The following RGS20 variants were observed in gnomAD, a reference collection of about 807,000 sequenced individuals.
The protein encoded by RGS20 is regulator of G protein signaling 20.
Under a neutral mutation model 33.6 loss-of-function variants are expected in RGS20, and 30 were observed. That is an observed-to-expected ratio of 0.89 (90% CI 0.67 to 1.21). RGS20 has a LOEUF of 1.21. RGS20 is among the 50% of genes most tolerant of loss of function. The pLI, the probability that RGS20 is intolerant of heterozygous loss-of-function variation, is 0.00. For missense variants in RGS20, 472 were observed against 502.4 expected, an observed-to-expected ratio of 0.94 and a Z score of 0.58; for synonymous variants, 208 against 197.9, an observed-to-expected ratio of 1.05 and a Z score of -0.43.
chr8:53,932,011 A>G (rs1813984508), intron 2 of RGS20, among the ~76,000 whole-genome samples: 1 of 152,232 alleles, frequency 6.6e-6, no homozygotes, highest in Non-Finnish European at 1.5e-5. Context: ...TTCTTTGCTT[A>G]TGAAGCATAG....
chr8:53,885,443 C>T (rs981745735), intron 2 of RGS20, among the ~76,000 whole-genome samples: 2 of 152,250 alleles, frequency 1.3e-5, no homozygotes, highest in Admixed American at 1.3e-4. Flanking sequence ...GAAACCCCGT[C>T]TCTACTAAAA....
At chr8:53,921,877 T>C (rs115041058) in intron 2 of RGS20, among the ~76,000 whole-genome samples, 2,406 of 138,726 alleles carry the variant, frequency 0.017, 62 homozygotes, top group African/African-American at 0.063. Flanking sequence ...CTTTGTATTA[T>C]AATAATGATT....
intron 4 of RGS20, among the ~76,000 whole-genome samples, chr8:53,948,634 A>G (rs1814614288): frequency 7.5e-6 from 1 of 134,080 alleles, no homozygotes; most frequent in Non-Finnish European, 1.5e-5. Flanking sequence ...ACATATTTAC[A>G]TATGCTATAT....
intron 2 of RGS20, chr8:53,913,766 C>T (rs1370973467): frequency 6.6e-6 from 1 of 152,328 alleles, no homozygotes; most frequent in African/African-American, 2.4e-5. Flanking sequence ...TGGTTTTGAA[C>T]TTTTAGCCTC....
At chr8:53,922,853 G>T (rs957229990) in intron 2 of RGS20, among the ~76,000 whole-genome samples, 33 of 152,018 alleles carry the variant, frequency 2.2e-4, no homozygotes, top group Non-Finnish European at 4.4e-4. Context: ...TAGAGATGGG[G>T]TTTCACTATG....
intron 2 of RGS20, among the ~76,000 whole-genome samples, chr8:53,902,205 C>T (rs552583268): frequency 6.6e-6 from 1 of 152,078 alleles, no homozygotes; most frequent in Non-Finnish European, 1.5e-5. Flanking sequence ...TTTGTAGAGA[C>T]AGGGTTTTGC....
chr8:53,867,711 GTTTCTTTCCTTCTTTC>G (rs1208980475), intron 1 of RGS20, among the ~76,000 whole-genome samples: 10 of 122,446 alleles, frequency 8.2e-5, no homozygotes, highest in Admixed American at 2.5e-4. Context: ...TCCTTTCTTT[GTTTCTTTCCTTCTTTC>G]TTTCTTTCCT....
chr8:53,946,797 CCT>C (rs1814495120), intron 4 of RGS20, 49 bp downstream of exon 3: 2 of 1,457,342 alleles, frequency 1.4e-6, no homozygotes, highest in Non-Finnish European at 1.9e-6. Flanking sequence ...GAAATACTAA[CCT>C]CTTTCTTTTC....
chr8:53,906,491 A>C (rs1351795090), intron 2 of RGS20, among the ~76,000 whole-genome samples: 1 of 152,188 alleles, frequency 6.6e-6, no homozygotes, highest in African/African-American at 2.4e-5. Flanking sequence ...CCAAGGCAAA[A>C]TAGTATTAGA....
chr8:53,922,193 G>T (rs1813667318), intron 2 of RGS20, among the ~76,000 whole-genome samples: 1 of 151,998 alleles, frequency 6.6e-6, no homozygotes, highest in Admixed American at 6.6e-5. Context: ...CTGTTATTGG[G>T]TGTATATATA....
intron 2 of RGS20, 75 bp from the exon 1 acceptor site, chr8:53,880,797 T>G (rs1812342304): frequency 4.0e-6 from 5 of 1,256,492 alleles, no homozygotes; most frequent in Admixed American, 7.1e-5. Flanking sequence ...GGCGGTGGAG[T>G]GCGCCGCCGC....
At chr8:53,951,581 G>A (rs1814709653) in intron 4 of RGS20, among the ~76,000 whole-genome samples, 1 of 152,084 alleles carries the variant, frequency 6.6e-6, no homozygotes, top group Admixed American at 6.6e-5. Context: ...TTAAACATTT[G>A]AAAATATATA....
At chr8:53,942,040 G>A (rs139768158) in intron 3 of RGS20, among the ~76,000 whole-genome samples, 27 of 152,160 alleles carry the variant, frequency 1.8e-4, no homozygotes, top group African/African-American at 4.3e-4. Flanking sequence ...TTGGGAGGCC[G>A]AGGCCGGCAG....
chr8:53,914,557 A>G (rs78503091), intron 2 of RGS20, among the ~76,000 whole-genome samples: 2,528 of 152,304 alleles, frequency 0.017, 34 homozygotes, highest in Non-Finnish European at 0.026. Flanking sequence ...GCCAGACTGA[A>G]CTGAGTGTAA....
intron 2 of RGS20, among the ~76,000 whole-genome samples, chr8:53,881,390 G>A (rs1392990251): frequency 6.6e-6 from 1 of 152,142 alleles, no homozygotes; most frequent in Non-Finnish European, 1.5e-5. Context: ...TCTTGGTGGG[G>A]AACGCGGGAG....
chr8:53,928,345 C>T (rs921135683), intron 2 of RGS20, among the ~76,000 whole-genome samples: 2 of 152,124 alleles, frequency 1.3e-5, no homozygotes, highest in Non-Finnish European at 2.9e-5. Flanking sequence ...GAAAGCCATT[C>T]CCATTAATTT....
chr8:53,947,183 G>C (rs1814513209), intron 4 of RGS20, among the ~76,000 whole-genome samples: 2 of 143,974 alleles, frequency 1.4e-5, no homozygotes, highest in South Asian at 4.3e-4. Flanking sequence ...ATAAGATATA[G>C]CATATTTATA....
chr8:53,921,597 T>C (rs1332710318), intron 2 of RGS20, among the ~76,000 whole-genome samples: 3 of 152,058 alleles, frequency 2.0e-5, no homozygotes, highest in Non-Finnish European at 2.9e-5. Flanking sequence ...CTTTCCAGGA[T>C]TTTTTCCATT....
intron 2 of RGS20, among the ~76,000 whole-genome samples, chr8:53,908,432 G>C (rs550006230): frequency 5.3e-4 from 81 of 152,132 alleles, no homozygotes; most frequent in Non-Finnish European, 7.6e-4. Flanking sequence ...TTGAGCCCAG[G>C]AGTTTGAGAC....
Sources: gnomAD v4.1 joint callset for allele counts (sites outside exome capture counted in the v4.1 genomes callset) on GRCh38, gnomAD v4.1.1 for gene constraint, MANE v1.5 for transcripts, NCBI Gene and HGNC (gene_info 2026-07-23, HGNC 2026-07-21) for gene names.